Variants in ATP2C1 observed in about 807,000 individuals in gnomAD.
ATP2C1 encodes the protein calcium-transporting ATPase type 2C member 1.
In ATP2C1, 31 loss-of-function variants were observed where a neutral mutation model predicts 120.5. The ratio of observed to expected loss-of-function variants is 0.26; its 90% CI spans 0.19 to 0.35. The LOEUF (loss-of-function observed/expected upper bound fraction) is 0.35. ATP2C1 is among the 10% of genes least tolerant of loss of function. The pLI, the probability that ATP2C1 is intolerant of heterozygous loss-of-function variation, is 1.00. For missense variants in ATP2C1, 731 were observed against 1,107.5 expected (o/e 0.66, Z 4.83); for synonymous variants, 351 against 358.7 (o/e 0.98, Z 0.24).
At chr3:130,925,442 C>G (rs1016537286) in intron 2 of ATP2C1, among the ~76,000 whole-genome samples, 1 of 152,172 alleles carries the variant, frequency 6.6e-6, no homozygotes, top group Non-Finnish European at 1.5e-5. Context: ...TCAGGTCTTG[C>G]AGCTGTGGAT....
intron 12 of ATP2C1, among the ~76,000 whole-genome samples, chr3:130,960,844 C>G (rs984236606): frequency 1.3e-5 from 2 of 151,962 alleles, no homozygotes; most frequent in Admixed American, 6.6e-5. Flanking sequence ...ATATGAATTC[C>G]AGCAAAACAA....
chr3:130,888,885 G>C (rs1161595616), intron 1 of ATP2C1, among the ~76,000 whole-genome samples: 2 of 152,212 alleles, frequency 1.3e-5, no homozygotes, highest in Admixed American at 1.3e-4. Context: ...TGTTGTTCCT[G>C]TCGGGGGTTA....
intron 14 of ATP2C1, among the ~76,000 whole-genome samples, chr3:130,966,562 T>A (rs184833557): frequency 1.7e-3 from 266 of 152,212 alleles, no homozygotes; most frequent in Middle Eastern, 3.4e-3. Flanking sequence ...ACCTGGCCAC[T>A]AAATTGTATG....
intron 1 of ATP2C1, among the ~76,000 whole-genome samples, chr3:130,867,842 C>G (rs1458132038): frequency 7.2e-6 from 1 of 138,226 alleles, no homozygotes; most frequent in Non-Finnish European, 1.6e-5. Flanking sequence ...ATCTAGGAAG[C>G]GAGGAGCGCC....
chr3:130,885,687 T>C (rs1211703707), intron 1 of ATP2C1, among the ~76,000 whole-genome samples: 1 of 152,228 alleles, frequency 6.6e-6, no homozygotes, highest in African/African-American at 2.4e-5. Flanking sequence ...TGTTTCATTG[T>C]ACTATGTCTT....
chr3:130,999,623 C>T lies in ATP2C1; in HGVS notation c.2593C>T (p.Gln865Ter). 1 of 1,613,542 alleles carries T rather than the reference C, an allele frequency of 6.2e-7. No homozygotes were observed. The highest frequency in any genetic ancestry group is 8.5e-7 in the Non-Finnish European group (1 of 1,179,630). Residue 865 changes from glutamine to a stop codon, truncating the protein, a stop_gained, in exon 27 of 28, where the codon CAG (glutamine) becomes TAG (stop). Coordinates refer to ENST00000510168, the MANE Select transcript of ATP2C1 (RefSeq NM_001378687.1). LOFTEE classifies it high-confidence loss of function. ...QLLVIYFPPL[Q>*]KVFQTESLSI... ...ACTAGTTATTTACTTTCCTCCGCTT[C>T]AGAAGGTTTTTCAGACTGAGAGCCT...
At chr3:130,870,283 G>A (rs560529132) in intron 1 of ATP2C1, among the ~76,000 whole-genome samples, 2 of 152,310 alleles carry the variant, frequency 1.3e-5, no homozygotes, top group Non-Finnish European at 2.9e-5. Flanking sequence ...TCTGCTGTCT[G>A]TTCTGCAGTC....
intron 17 of ATP2C1, among the ~76,000 whole-genome samples, chr3:130,971,162 A>G (rs899240252): frequency 6.6e-6 from 1 of 152,210 alleles, no homozygotes; most frequent in Non-Finnish European, 1.5e-5. Flanking sequence ...ATTTCATTAC[A>G]TTTTGTAAAC....
chr3:130,912,583 C>T (rs1405546312), intron 2 of ATP2C1, among the ~76,000 whole-genome samples: 9 of 140,186 alleles, frequency 6.4e-5, no homozygotes. Context: ...GAATGGCAAT[C>T]ATTAAAAAGT....
chr3:130,942,085 G>A (rs897699578), intron 8 of ATP2C1, among the ~76,000 whole-genome samples: 1 of 152,184 alleles, frequency 6.6e-6, no homozygotes, highest in South Asian at 2.1e-4. Context: ...GAAGGGAGAG[G>A]TTCCACCTGA....
chr3:130,947,193 T>C (rs545182343), intron 8 of ATP2C1, among the ~76,000 whole-genome samples: 4 of 152,104 alleles, frequency 2.6e-5, no homozygotes, highest in Non-Finnish European at 4.4e-5. Context: ...GGGCCTGAGA[T>C]TACGCATACT....
chr3:130,891,703 C>A (rs1029359648), upstream of ATP2C1, among the ~76,000 whole-genome samples: 1 of 152,120 alleles, frequency 6.6e-6, no homozygotes, highest in Non-Finnish European at 1.5e-5. Context: ...TAATTTGCAA[C>A]CTGTGTTCAC....
At chr3:130,903,541 G>C (rs917312152) in intron 2 of ATP2C1, among the ~76,000 whole-genome samples, 1 of 151,972 alleles carries the variant, frequency 6.6e-6, no homozygotes, top group Non-Finnish European at 1.5e-5. Flanking sequence ...TTTATGAAAT[G>C]AATGTCATTG....
At chr3:130,952,288 C>T (rs2060402306) in intron 8 of ATP2C1, among the ~76,000 whole-genome samples, 1 of 152,108 alleles carries the variant, frequency 6.6e-6, no homozygotes, top group South Asian at 2.1e-4. Context: ...TATGATAAAG[C>T]ACAGGGCCTG....
intron 24 of ATP2C1, 60 bp downstream of exon 24, chr3:130,996,856 T>C: frequency 2.5e-6 from 3 of 1,182,410 alleles, no homozygotes; most frequent in Non-Finnish European, 3.8e-6. Flanking sequence ...CCCTGATAAT[T>C]AAGTTTTAAA....
At chr3:131,010,662 C>G (rs1266219875) in intron 26 of ATP2C1, among the ~76,000 whole-genome samples, 14 of 152,164 alleles carry the variant, frequency 9.2e-5, no homozygotes, top group Admixed American at 9.2e-4. Flanking sequence ...GCTTGGCTGC[C>G]CATTGAAATT....
intron 1 of ATP2C1, among the ~76,000 whole-genome samples, chr3:130,857,517 C>T (rs1030146047): frequency 1.3e-5 from 2 of 152,346 alleles, no homozygotes; most frequent in Admixed American, 6.5e-5. Flanking sequence ...AGCCCAAAGA[C>T]CGTCATTACT....
Position 130,894,504 on chromosome 3 carries a change from G to A in ATP2C1, c.-180-86G>A. 7.2e-7 allele frequency: 1 copy of A among 1,386,870 alleles called. No homozygotes were observed. Among genetic ancestry groups the A allele is most frequent in the Non-Finnish European group, 9.3e-7 (1 of 1,070,616 alleles). 85.9% of individuals were successfully genotyped at this position (1,386,870 alleles called of 1,614,324 possible). On this transcript the variant is annotated intron_variant, in intron 1 of 27. Coordinates refer to ENST00000510168, the MANE Select transcript of ATP2C1 (RefSeq NM_001378687.1). The surrounding 1 kb of genome is among the most constrained non-coding windows in gnomAD (Gnocchi z 4.5). ...CGACGGGGCGGGTGCGGGATCTTGG[G>A]GAGGGGGGCTCCCGAGATAGTGGCT...
intron 22 of ATP2C1, among the ~76,000 whole-genome samples, chr3:130,994,512 C>T (rs767318687): frequency 2.0e-5 from 3 of 151,910 alleles, no homozygotes; most frequent in Non-Finnish European, 4.4e-5. Flanking sequence ...TTCATCTTGC[C>T]CTCATTTAAT....
Sources: allele counts gnomAD v4.1 joint callset (sites outside exome capture counted in the v4.1 genomes callset), GRCh38; gene constraint gnomAD v4.1.1; non-coding constraint Gnocchi (gnomAD v3.1); transcripts MANE v1.5; gene names NCBI Gene and HGNC (gene_info 2026-07-23, HGNC 2026-07-21).